The following ZNF571 variants were observed in gnomAD, a reference collection of about 807,000 sequenced individuals.
ZNF571 encodes the protein zinc finger protein 571.
In ZNF571, 4 loss-of-function variants were observed where a neutral mutation model predicts 7.7. The ratio of observed to expected loss-of-function variants is 0.52; its 90% confidence interval spans 0.25 to 1.18. ZNF571 has a LOEUF of 1.18. Ranked by LOEUF, ZNF571 falls within the 50% of genes most tolerant of loss-of-function variation. The pLI, the probability that ZNF571 is intolerant of heterozygous loss-of-function variation, is 0.14. For synonymous variants in ZNF571, 251 were observed against 232.4 expected, an observed-to-expected ratio of 1.08 and a Z score of -0.73; for missense variants, 704 against 726.9, an observed-to-expected ratio of 0.97 and a Z score of 0.36.
intron 3 of ZNF571, 163 bp from the exon 4 acceptor site, chr19:37,566,454 T>C (rs2042863920): frequency 3.9e-6 from 3 of 766,902 alleles, no homozygotes; most frequent in Non-Finnish European, 5.9e-6. Flanking sequence ...AAGGAGAGAA[T>C]AAAGAAAAAG....
intron 3 of ZNF571, among the ~76,000 whole-genome samples, chr19:37,579,238 C>T (rs1025490968): frequency 6.6e-6 from 1 of 152,234 alleles, no homozygotes; most frequent in Admixed American, 6.5e-5. Flanking sequence ...AGCCCGACTG[C>T]AGTCCAGCCC....
intron 2 of ZNF571, among the ~76,000 whole-genome samples, chr19:37,584,824 C>T (rs1466861982): frequency 6.6e-6 from 1 of 151,862 alleles, no homozygotes; most frequent in Non-Finnish European, 1.5e-5. Flanking sequence ...ATTAGCCGGG[C>T]GTGATGGTGG....
intron 1 of ZNF571, among the ~76,000 whole-genome samples, chr19:37,591,023 A>G (rs2043854064): frequency 6.6e-6 from 1 of 152,272 alleles, no homozygotes; most frequent in Non-Finnish European, 1.5e-5. Flanking sequence ...TATAAAATCA[A>G]ACAAGAAAAT....
In ZNF571 at chr19:37,565,991, T is replaced by C. The variant is rs2042843803; in HGVS notation, c.437A>G (p.Gln146Arg). 3 of 1,613,958 alleles carry C rather than the reference T, an allele frequency of 1.9e-6. 1 individual carries two copies. Among genetic ancestry groups the C allele is most frequent in the South Asian group, 2.2e-5 (2 of 91,080 alleles). ...AAGGCATGACAGGTAGCTGAAACCT[T>C]GTCTGCATTCCTTACATTTGTACAA... ...EKLYKCKECR[Q>R]GFSYLSCLIQ... The change falls in exon 4 of 4, where the codon CAA (glutamine) becomes CGA (arginine). Residue 146 changes from glutamine (Q) to arginine (R), a missense_variant. Gln to Arg is a conservative substitution (Grantham distance 43). Coordinates refer to ENST00000451802, the MANE Select transcript of ZNF571 (RefSeq NM_016536.5).
At chr19:37,590,514 G>A (rs2043838945) in intron 1 of ZNF571, among the ~76,000 whole-genome samples, 2 of 152,048 alleles carry the variant, frequency 1.3e-5, no homozygotes, top group Admixed American at 6.6e-5. Context: ...TTACATCTCT[G>A]CTACATTTCA....
At chr19:37,590,803 A>G (rs1159250136) in intron 1 of ZNF571, among the ~76,000 whole-genome samples, 1 of 152,164 alleles carries the variant, frequency 6.6e-6, no homozygotes, top group African/African-American at 2.4e-5. Context: ...CTGATTTTTA[A>G]TTAAGAGACT....
At chr19:37,566,577 C>G in intron 3 of ZNF571, 1 of 267,376 alleles carries the variant, frequency 3.7e-6, no homozygotes, top group African/African-American at 2.2e-5. Context: ...TAAAAACACC[C>G]TCTTGAAAAC....
chr19:37,580,441 TTTC>T (rs2043414742), intron 3 of ZNF571, among the ~76,000 whole-genome samples: 1 of 152,252 alleles, frequency 6.6e-6, no homozygotes, highest in Non-Finnish European at 1.5e-5. Flanking sequence ...TCCACAACAT[TTTC>T]TTGATTTATC....
intron 2 of ZNF571, among the ~76,000 whole-genome samples, chr19:37,584,838 C>A (rs1393434863): frequency 6.6e-6 from 1 of 151,928 alleles, no homozygotes; most frequent in Non-Finnish European, 1.5e-5. Flanking sequence ...ATGGTGGGCA[C>A]CTGTAGTCCC....
chr19:37,587,949 A>G (rs2043733511), intron 1 of ZNF571, among the ~76,000 whole-genome samples: 1 of 151,772 alleles, frequency 6.6e-6, no homozygotes, highest in African/African-American at 2.4e-5. Context: ...AAAATACAAA[A>G]ATTAGCCAGG....
At chr19:37,579,756 C>T (rs1221192321) in intron 3 of ZNF571, among the ~76,000 whole-genome samples, 1 of 152,166 alleles carries the variant, frequency 6.6e-6, no homozygotes, top group Non-Finnish European at 1.5e-5. Flanking sequence ...TGCAGCTGTG[C>T]TTTTATTACT....
At chr19:37,573,021 ATCT>A (rs2043119183) in intron 3 of ZNF571, among the ~76,000 whole-genome samples, 1 of 152,200 alleles carries the variant, frequency 6.6e-6, no homozygotes, top group Admixed American at 6.5e-5. Flanking sequence ...TGATTATAGA[ATCT>A]TCAATGTGAT....
At chr19:37,574,005 C>T (rs2043157932) in intron 3 of ZNF571, among the ~76,000 whole-genome samples, 1 of 152,092 alleles carries the variant, frequency 6.6e-6, no homozygotes, top group Admixed American at 6.5e-5. Context: ...ATTAATCAAC[C>T]ACATTTAGCA....
intron 2 of ZNF571, chr19:37,584,953 G>A (rs1489943423): frequency 6.6e-5 from 9 of 136,716 alleles, no homozygotes; most frequent in Admixed American, 3.1e-4. Flanking sequence ...CACAGAGCGA[G>A]ACTCCGTCTC....
chr19:37,574,530 A>G (rs2043178892), intron 3 of ZNF571, among the ~76,000 whole-genome samples: 1 of 152,220 alleles, frequency 6.6e-6, no homozygotes, highest in South Asian at 2.1e-4. Context: ...AAGTTTCATT[A>G]TAACATTAGA....
At chr19:37,566,364 T>G in intron 3 of ZNF571, 73 bp from the exon 4 acceptor site, 1 of 1,473,872 alleles carries the variant, frequency 6.8e-7, no homozygotes, top group Non-Finnish European at 9.1e-7. Context: ...GTAAAAATGA[T>G]AGATGAAAAT....
intron 3 of ZNF571, among the ~76,000 whole-genome samples, chr19:37,572,860 A>G (rs550789130): frequency 4.4e-4 from 67 of 152,348 alleles, no homozygotes; most frequent in African/African-American, 1.5e-3. Context: ...CCACCAGCCT[A>G]TTTCCAACCC....
intron 3 of ZNF571, among the ~76,000 whole-genome samples, chr19:37,573,752 T>G (rs978774199): frequency 2.0e-5 from 3 of 151,198 alleles, no homozygotes; most frequent in African/African-American, 7.3e-5. Context: ...GGAGGATCAC[T>G]TCAGCCCGAG....
In ZNF571 at chr19:37,565,054, A is replaced by ACGAATAAAGGCCTTTCCACATTC; in HGVS notation, c.1351_1373dup (p.Val459AsnfsTer99). ...TCTCATGTTGAGTAAGATATGCAAC[A>ACGAATAAAGGCCTTTCCACATTC]CGAATAAAGGCCTTTCCACATTCCT... is the stretch of plus-strand genomic sequence containing the variant. On this transcript the variant is annotated frameshift_variant, in exon 4 of 4. Transcript: ENST00000451802. LOFTEE classifies it low-confidence loss of function (END_TRUNC). 1 of 1,613,798 alleles carries ACGAATAAAGGCCTTTCCACATTC rather than the reference A, an allele frequency of 6.2e-7. No homozygotes were observed. Among genetic ancestry groups the ACGAATAAAGGCCTTTCCACATTC allele is most frequent in the East Asian group, 2.2e-5 (1 of 44,864 alleles).
Sources: gnomAD v4.1 joint callset for allele counts (sites outside exome capture counted in the v4.1 genomes callset) on GRCh38, gnomAD v4.1.1 for gene constraint, MANE v1.5 for transcripts, NCBI Gene and HGNC (gene_info 2026-07-23, HGNC 2026-07-21) for gene names.